The following CIMIP2B variants were observed in gnomAD, a reference collection of about 807,000 sequenced individuals.
CIMIP2B encodes the protein ciliary microtubule inner protein 2B.
At chr9:35,563,765 AC>A in the CIMIP2B span, 2 of 1,613,496 alleles carry the variant, frequency 1.2e-6, no homozygotes, top group Non-Finnish European at 1.7e-6. Flanking sequence ...TGGGAGTCTT[AC>A]CCTGGGATAT....
At chr9:35,562,563 A>G in the CIMIP2B span, 1 of 1,596,742 alleles carries the variant, frequency 6.3e-7, no homozygotes, top group Non-Finnish European at 8.5e-7. Flanking sequence ...CAGGGCACAT[A>G]GCCAGTGAAG....
chr9:35,562,121 A>T, the CIMIP2B span: 1 of 1,479,664 alleles, frequency 6.8e-7, no homozygotes, highest in Non-Finnish European at 9.1e-7. Flanking sequence ...AGTCTGTCAC[A>T]TGTAGCAAGT....
chr9:35,563,332 C>A, the CIMIP2B span: 1 of 1,613,944 alleles, frequency 6.2e-7, no homozygotes, highest in South Asian at 1.1e-5. Flanking sequence ...GCTGACCAGT[C>A]ACCTGCCCAT....
At chr9:35,562,528 G>T in the CIMIP2B span, 1 of 1,576,954 alleles carries the variant, frequency 6.3e-7, no homozygotes, top group South Asian at 1.2e-5. Context: ...GCACAGGAAA[G>T]CTGGAGCCGA....
chr9:35,563,066 C>T, the CIMIP2B span: 1 of 1,613,854 alleles, frequency 6.2e-7, no homozygotes, highest in Non-Finnish European at 8.5e-7. Flanking sequence ...ATGAACTGTG[C>T]CCGGGGTACA....
chr9:35,562,322 C>G, the CIMIP2B span: 1 of 1,347,458 alleles, frequency 7.4e-7, no homozygotes, highest in Admixed American at 3.3e-5. Context: ...CCAACCCACC[C>G]CATACCCATA....
the CIMIP2B span, chr9:35,561,931 T>TCCCACCCA: frequency 5.9e-5 from 12 of 204,402 alleles, no homozygotes; most frequent in African/African-American, 2.5e-4. Context: ...CCTCCCACCC[T>TCCCACCCA]CCCACCCACC....
the CIMIP2B span, chr9:35,562,812 C>T: frequency 2.5e-5 from 41 of 1,610,010 alleles, no homozygotes; most frequent in Middle Eastern, 1.7e-4. Flanking sequence ...CCCCACTGCC[C>T]GGACACACAG....
chr9:35,563,385 T>C, the CIMIP2B span: 5 of 1,608,430 alleles, frequency 3.1e-6, no homozygotes, highest in Non-Finnish European at 4.2e-6. Context: ...CAGTGTCCAG[T>C]GTACCTGCAG....
chr9:35,562,449 G>C, the CIMIP2B span: 1 of 1,579,864 alleles, frequency 6.3e-7, no homozygotes. Flanking sequence ...AGTGGGGGGA[G>C]ATGTTTGGGG....
At chr9:35,563,701 C>T in the CIMIP2B span, 2 of 1,486,516 alleles carry the variant, frequency 1.3e-6, no homozygotes, top group Non-Finnish European at 1.9e-6. Flanking sequence ...CTCTAAGCAG[C>T]TTAATTCCTC....
At chr9:35,563,003 G>T in the CIMIP2B span, 1 of 1,613,996 alleles carries the variant, frequency 6.2e-7, no homozygotes, top group South Asian at 1.1e-5. Flanking sequence ...TCATGCAAGT[G>T]AGTAAAGTCA....
chr9:35,561,838 A>T, the CIMIP2B span: 1 of 619,278 alleles, frequency 1.6e-6, no homozygotes, highest in Non-Finnish European at 2.8e-6. Flanking sequence ...GCGTCTGTTT[A>T]TGTATTTATT....
the CIMIP2B span, chr9:35,563,687 C>T: frequency 7.3e-7 from 1 of 1,364,842 alleles, no homozygotes; most frequent in African/African-American, 1.4e-5. Context: ...CGCTTGGCCC[C>T]ATGCTCTAAG....
the CIMIP2B span, chr9:35,562,398 A>C: frequency 6.7e-7 from 1 of 1,500,670 alleles, no homozygotes. Context: ...TAGCCCCCAT[A>C]GTTAGGTAAA....
the CIMIP2B span, chr9:35,563,004 A>C: frequency 6.2e-7 from 1 of 1,613,910 alleles, no homozygotes; most frequent in Non-Finnish European, 8.5e-7. Flanking sequence ...CATGCAAGTG[A>C]GTAAAGTCAC....
At chr9:35,561,922 C>CT in the CIMIP2B span, 4 of 155,404 alleles carry the variant, frequency 2.6e-5, no homozygotes, top group Middle Eastern at 2.3e-3. Flanking sequence ...TTCCCCCACC[C>CT]TCCCACCCTC....
the CIMIP2B span, chr9:35,562,077 C>T: frequency 2.0e-6 from 3 of 1,534,994 alleles, no homozygotes; most frequent in Non-Finnish European, 2.6e-6. Context: ...AAATGTGTGG[C>T]CAAACTGGAA....
the CIMIP2B span, chr9:35,563,811 G>T: frequency 1.2e-6 from 2 of 1,614,060 alleles, no homozygotes; most frequent in South Asian, 2.2e-5. Context: ...CTGGTATGAA[G>T]GTGCTGGCCA....
Sources: gnomAD v4.1 joint callset for allele counts on GRCh38, gnomAD v4.1.1 for gene constraint, MANE v1.5 for transcripts, NCBI Gene and HGNC (gene_info 2026-07-23, HGNC 2026-07-21) for gene names.